APBB2: variants seen among roughly 807,000 people sequenced by gnomAD.
APBB2 encodes Fe65-like 1.
In APBB2, 38 loss-of-function variants were observed where a neutral mutation model predicts 82.5. The ratio of observed to expected loss-of-function variants is 0.46; its 90% CI spans 0.36 to 0.60. The LOEUF (loss-of-function observed/expected upper bound fraction) is 0.60. Ranked by LOEUF, APBB2 falls within the 20% of genes least tolerant of loss-of-function variation. The probability of loss-of-function intolerance (pLI) is 0.00; values close to 1 mark genes in which losing one functional copy is unlikely to be tolerated. For missense variants in APBB2, 772 were observed against 972.3 expected, an observed-to-expected ratio of 0.79 and a Z score of 2.74; for synonymous variants, 341 against 368.2, an observed-to-expected ratio of 0.93 and a Z score of 0.85.
At chr4:40,944,729 T>G in intron 7 of APBB2, 136 bp downstream of exon 7, 1 of 816,148 alleles carries the variant, frequency 1.2e-6, no homozygotes, top group Non-Finnish European at 2.0e-6. Flanking sequence ...GAAGCATTAC[T>G]GAGATTTCAA....
chr4:41,085,974 A>G (rs1444852874), intron 3 of APBB2, among the ~76,000 whole-genome samples: 1 of 152,302 alleles, frequency 6.6e-6, no homozygotes, highest in Non-Finnish European at 1.5e-5. Context: ...GAAAAAGAAG[A>G]CTAACTAAAA....
intron 1 of APBB2, among the ~76,000 whole-genome samples, chr4:41,183,834 CA>C (rs1211489447): frequency 7.3e-6 from 1 of 137,788 alleles, no homozygotes; most frequent in Non-Finnish European, 1.6e-5. Context: ...GGGGGAGTTG[CA>C]GGGGGTGGGA....
At chr4:41,032,947 G>C (rs527564982) in intron 5 of APBB2, among the ~76,000 whole-genome samples, 8 of 150,712 alleles carry the variant, frequency 5.3e-5, no homozygotes, top group Non-Finnish European at 8.9e-5. Context: ...ACCATGCCCG[G>C]CTAATTTTTG....
chr4:41,024,817 G>A (rs1713295055), intron 5 of APBB2, among the ~76,000 whole-genome samples: 1 of 152,212 alleles, frequency 6.6e-6, no homozygotes, highest in Admixed American at 6.5e-5. Flanking sequence ...CCATAGTGAA[G>A]GTTAAGAGAT....
At chr4:40,857,615 C>G (rs1457971356) in intron 12 of APBB2, among the ~76,000 whole-genome samples, 1 of 151,468 alleles carries the variant, frequency 6.6e-6, no homozygotes. Flanking sequence ...GGATTACAGG[C>G]GCCCGCCACC....
rs35178640 is a variant in APBB2, at chr4:40,893,353, C to T, written c.1313G>A (p.Gly438Asp). The T allele has an allele frequency of 3.5e-5, 56 of 1,613,412 alleles. No homozygotes were observed. The Admixed American group carries it at 9.2e-4, about 26-fold the overall frequency. Reference sequence around the variant, plus strand: ...GTTGTTGACCGCAACACTACTTTTACCGGGGGCGAGGTCCTCTTCTGCCAT... The same window carrying T: ...GTTGTTGACCGCAACACTACTTTTATCGGGGGCGAGGTCCTCTTCTGCCAT... ...VEMAEEDLAP[G>D]KSSVAVNNCI... Residue 438 changes from glycine to aspartate, a missense_variant, in exon 11 of 18, where the codon GGT (glycine) becomes GAT (aspartate). Gly to Asp is a moderately conservative substitution (Grantham distance 94). Coordinates refer to ENST00000508593, the MANE Select transcript of APBB2 (RefSeq NM_004307.2).
At chr4:40,856,853 C>T in intron 12 of APBB2, 1 of 781,466 alleles carries the variant, frequency 1.3e-6, no homozygotes, top group Non-Finnish European at 1.6e-6. Context: ...TCCAGCCGTC[C>T]AGGACCAGGC....
At chr4:40,976,324 C>T (rs1402039284) in intron 6 of APBB2, among the ~76,000 whole-genome samples, 2 of 152,042 alleles carry the variant, frequency 1.3e-5, no homozygotes, top group African/African-American at 2.4e-5. Flanking sequence ...TAAAATGGTG[C>T]TTATTTTTAA....
chr4:40,997,752 A>G (rs1804033670), intron 6 of APBB2, among the ~76,000 whole-genome samples: 1 of 152,246 alleles, frequency 6.6e-6, no homozygotes, highest in Admixed American at 6.5e-5. Flanking sequence ...GCATGAAGCA[A>G]GACAGTAGCA....
chr4:40,862,118 T>C (rs1211544160), intron 12 of APBB2, among the ~76,000 whole-genome samples: 1 of 152,238 alleles, frequency 6.6e-6, no homozygotes, highest in Admixed American at 6.5e-5. Context: ...AGACCTGCAT[T>C]TAAACTGGAT....
At chr4:41,186,150 T>G (rs1225569039) in intron 1 of APBB2, among the ~76,000 whole-genome samples, 1 of 152,258 alleles carries the variant, frequency 6.6e-6, no homozygotes, top group African/African-American at 2.4e-5. Context: ...ATCAGCCTTC[T>G]GAAATTATAT....
chr4:40,856,974 C>G (rs1245948837), intron 12 of APBB2: 2 of 985,424 alleles, frequency 2.0e-6, no homozygotes, highest in African/African-American at 3.5e-5. Context: ...CCCCGTTCCC[C>G]CTGAACGCAC....
intron 5 of APBB2, among the ~76,000 whole-genome samples, chr4:41,026,658 A>G (rs1714379246): frequency 1.3e-5 from 2 of 152,214 alleles, no homozygotes; most frequent in Non-Finnish European, 2.9e-5. Context: ...AGCATGTATC[A>G]GTACTTTATT....
At chr4:41,112,841 GC>G (rs1403670391) in intron 2 of APBB2, among the ~76,000 whole-genome samples, 17 of 152,210 alleles carry the variant, frequency 1.1e-4, no homozygotes, top group African/African-American at 3.4e-4. Flanking sequence ...TGCAAAATTA[GC>G]CGGGTGTGGT....
rs1457482874 is a variant in APBB2 at position 41,100,711 on chromosome 4, GC to G, written c.-222del. Reference sequence around the variant, plus strand: ...TCCCCACAAAGTCTGTTAATTAATAGCAAGCACCCAAGGAGGTCAGGCAGCC... The same window carrying G: ...TCCCCACAAAGTCTGTTAATTAATAGAAGCACCCAAGGAGGTCAGGCAGCC... On this transcript the variant is annotated 5_prime_UTR_variant, in exon 3 of 18. Coordinates refer to ENST00000508593, the MANE Select transcript of APBB2 (RefSeq NM_004307.2). 1 of 152,102 alleles carries G rather than the reference GC, an allele frequency of 6.6e-6. No homozygotes were observed. Among genetic ancestry groups the G allele is most frequent in the East Asian group, 1.9e-4 (1 of 5,194 alleles). 9.4% of individuals were successfully genotyped at this position (152,102 alleles called of 1,614,324 possible).
intron 4 of APBB2, among the ~76,000 whole-genome samples, chr4:41,056,897 G>A (rs145350392): frequency 1.3e-5 from 2 of 152,272 alleles, no homozygotes; most frequent in East Asian, 3.9e-4. Context: ...GATGGCAGCA[G>A]GTATGCCTGA....
At chr4:41,154,013 G>T (rs1265482110) in intron 1 of APBB2, among the ~76,000 whole-genome samples, 3 of 152,038 alleles carry the variant, frequency 2.0e-5, no homozygotes, top group Non-Finnish European at 4.4e-5. Context: ...CTAAATAGAG[G>T]TCCATAAATT....
intron 5 of APBB2, among the ~76,000 whole-genome samples, chr4:41,028,266 G>A (rs1183899618): frequency 6.6e-6 from 1 of 152,220 alleles, no homozygotes; most frequent in African/African-American, 2.4e-5. Context: ...TAGGGATTAG[G>A]CCCATGTGTT....
In APBB2 at chr4:40,811,634, ACTT is replaced by A. The variant is rs372515901; in HGVS notation, c.*4455_*4457del. On this transcript the variant is annotated 3_prime_UTR_variant, in exon 18 of 18. Coordinates refer to ENST00000508593, the MANE Select transcript of APBB2 (RefSeq NM_004307.2). Reference sequence around the variant, plus strand: ...TTCATTTGGCATTTTACATTCTTGGACTTCTTCTTGAGATAAAAGTGCTGCAAA... The same window carrying A: ...TTCATTTGGCATTTTACATTCTTGGACTTCTTGAGATAAAAGTGCTGCAAA... The A allele has an allele frequency of 5.1e-4, 73 of 143,904 alleles. No individual in the cohort carries two copies. The highest frequency in any genetic ancestry group is 2.6e-3 in the South Asian group (12 of 4,678). The allele number at this position is 143,904 out of a possible 1,614,324, so 8.9% of individuals were successfully genotyped here.
Sources: allele counts gnomAD v4.1 joint callset (sites outside exome capture counted in the v4.1 genomes callset), GRCh38; gene constraint gnomAD v4.1.1; transcripts MANE v1.5; gene names NCBI Gene and HGNC (gene_info 2026-07-23, HGNC 2026-07-21).